The following AGO3 variants were observed in gnomAD, a reference collection of about 807,000 sequenced individuals.
AGO3 encodes argonaute RISC catalytic component 3.
In AGO3, 16 loss-of-function variants were observed where a neutral mutation model predicts 105.5. The observed-to-expected ratio is 0.15, with a 90% confidence interval of 0.10 to 0.23. AGO3 has a LOEUF of 0.23. AGO3 is among the 10% of genes least tolerant of loss of function. The probability of loss-of-function intolerance (pLI) is 1.00; values close to 1 mark genes in which losing one functional copy is unlikely to be tolerated. For missense variants in AGO3, 534 were observed against 1,088.0 expected (o/e 0.49, Z 7.16); for synonymous variants, 340 against 367.3 (o/e 0.93, Z 0.85).
chr1:35,941,396 T>A (rs975326189), intron 1 of AGO3, among the ~76,000 whole-genome samples: 10 of 152,096 alleles, frequency 6.6e-5, no homozygotes, highest in Admixed American at 2.0e-4. Flanking sequence ...GCAGCTGGAG[T>A]GATACTTAAA....
rs781058020 is a variant in AGO3 at position 36,038,252 on chromosome 1, C to CTTT, written c.1843-1520_1843-1518dup. ...TTCCATCCGAGGGTCTGGATTTATT[C>CTTT]TTTTTTTTTTTTTTTTTTTTGAGAC... On this transcript the variant is annotated intron_variant, in intron 14 of 18. Transcript: ENST00000373191. Among the ~76,000 whole-genome samples, 680 of 112,550 alleles carry CTTT rather than the reference C, an allele frequency of 6.0e-3. 24 individuals carry two copies. The highest frequency in any genetic ancestry group is 0.02 in the Middle Eastern group (4 of 202). 73.8% of individuals were successfully genotyped at this position (112,550 alleles called of 152,430 possible). A position where few individuals can be genotyped will look rare whatever the true frequency, so the allele number is the denominator to read the frequency against.
intron 6 of AGO3, among the ~76,000 whole-genome samples, chr1:36,007,703 A>C (rs530802980): frequency 1.1e-4 from 16 of 152,052 alleles, no homozygotes; most frequent in Admixed American, 1.0e-3. Context: ...AAAAAAAAAA[A>C]CCTAAATAAA....
intron 1 of AGO3, among the ~76,000 whole-genome samples, chr1:35,936,704 T>A (rs1007695249): frequency 6.6e-6 from 1 of 152,218 alleles, no homozygotes; most frequent in African/African-American, 2.4e-5. Flanking sequence ...GAACGTGGTA[T>A]CTACAGTCTA....
chr1:36,010,034 G>A (rs1356415991), intron 9 of AGO3, among the ~76,000 whole-genome samples: 1 of 141,304 alleles, frequency 7.1e-6, no homozygotes, highest in Non-Finnish European at 1.5e-5. Flanking sequence ...TGCCTCCCAG[G>A]TTCACACCAT....
Position 36,069,162 on chromosome 1 carries a change from A to G in AGO3, c.*13417A>G, listed in dbSNP as rs1397950218. 6.6e-6 allele frequency: 1 copy of G among 152,362 alleles called. No homozygotes were observed. The highest frequency in any genetic ancestry group is 1.5e-5 in the Non-Finnish European group (1 of 68,188). 9.4% of individuals were successfully genotyped at this position (152,362 alleles called of 1,614,324 possible). On this transcript the variant is annotated 3_prime_UTR_variant, in exon 19 of 19. Coordinates refer to ENST00000373191, the MANE Select transcript of AGO3 (RefSeq NM_024852.4). ...TCTGTTGCCCAGGCTGAACTACAGTAGTGTGATCATAGCTCACTACAGCCT... is the reference window on the plus strand; with the variant it reads ...TCTGTTGCCCAGGCTGAACTACAGTGGTGTGATCATAGCTCACTACAGCCT...
intron 17 of AGO3, among the ~76,000 whole-genome samples, chr1:36,047,692 G>A (rs918722997): frequency 6.6e-6 from 1 of 151,994 alleles, no homozygotes; most frequent in African/African-American, 2.4e-5. Context: ...TCCAGCCTGG[G>A]CAACATGGTG....
chr1:36,054,292 A>G (rs1375242109), intron 17 of AGO3, among the ~76,000 whole-genome samples: 1 of 152,046 alleles, frequency 6.6e-6, no homozygotes, highest in Non-Finnish European at 1.5e-5. Context: ...TTATTTATTG[A>G]GACAAAGTTT....
intron 11 of AGO3, among the ~76,000 whole-genome samples, chr1:36,026,091 A>G (rs1641490525): frequency 6.6e-6 from 1 of 151,794 alleles, no homozygotes; most frequent in East Asian, 1.9e-4. Context: ...AAATCAAAGT[A>G]CATTAAAATG....
At chr1:36,054,317 G>C (rs1413279260) in intron 17 of AGO3, among the ~76,000 whole-genome samples, 1 of 151,696 alleles carries the variant, frequency 6.6e-6, no homozygotes, top group East Asian at 1.9e-4. Flanking sequence ...ATGTCACCCA[G>C]GCTGGAGTGC....
At chr1:35,952,135 TCTTTC>T (rs1557648110) in intron 2 of AGO3, among the ~76,000 whole-genome samples, 15 of 116,982 alleles carry the variant, frequency 1.3e-4, no homozygotes, top group African/African-American at 5.9e-4. Flanking sequence ...TTTCTTTCTT[TCTTTC>T]TTTCTTTCTT....
intron 1 of AGO3, among the ~76,000 whole-genome samples, chr1:35,936,603 T>A (rs79907166): frequency 0.071 from 10,860 of 152,274 alleles, 453 homozygotes; most frequent in South Asian, 0.15. Context: ...ATTACAGGCA[T>A]GAGCCACTGC....
At position 36,043,527 on chromosome 1, in the gene AGO3, C is replaced by T. The variant is rs750383007; in HGVS notation, c.2253C>T (p.Leu751=). The T allele has an allele frequency of 1.9e-6, 3 of 1,612,928 alleles. No individual in the cohort carries two copies. Among genetic ancestry groups the T allele is most frequent in the Non-Finnish European group, 2.5e-6 (3 of 1,179,400 alleles). Residue 751 remains leucine (L), a synonymous_variant, in exon 17 of 19, where the codon CTC becomes CTT. Transcript: ENST00000373191. ...ITHPYEFDFY[L]CSHAGIQGTS... is the part of the protein sequence containing the mutation. ...ACCCATATGAGTTCGATTTTTACCT[C>T]TGTAGCCATGCTGGAATACAGGTAA...
Position 36,009,540 on chromosome 1 carries a change from G to A in AGO3, c.1095G>A (p.Met365Ile). Residue 365 changes from methionine (M) to isoleucine (I), a missense_variant, in exon 9 of 19, where the codon ATG becomes ATA. Physicochemically the swap from Met to Ile is conservative, Grantham distance 10. Around this residue, in one of 2 missense-constraint regions of AGO3, gnomAD observed 373 missense variants for 854.0 expected, o/e 0.44. Coordinates refer to ENST00000373191, the MANE Select transcript of AGO3 (RefSeq NM_024852.4). The stretch of plus-strand genomic sequence containing the variant: ...TAACAGACAATCAGACTTCCACTAT[G>A]ATCAAGGCAACAGCAAGATCTGCAC... ...KKLTDNQTST[M>I]IKATARSAPD... 2 of 1,613,928 alleles carry A rather than the reference G, an allele frequency of 1.2e-6. No homozygotes were observed. Among genetic ancestry groups the A allele is most frequent in the Non-Finnish European group, 1.7e-6 (2 of 1,179,948 alleles).
At chr1:35,999,385 G>A (rs1228905772) in intron 5 of AGO3, among the ~76,000 whole-genome samples, 1 of 152,062 alleles carries the variant, frequency 6.6e-6, no homozygotes, top group Non-Finnish European at 1.5e-5. Context: ...GTTTCATTGT[G>A]CTTTCATGTT....
At chr1:36,041,834 G>T (rs1569911568) in intron 16 of AGO3, among the ~76,000 whole-genome samples, 1 of 152,060 alleles carries the variant, frequency 6.6e-6, no homozygotes, top group Non-Finnish European at 1.5e-5. Context: ...GTTGTCGGGA[G>T]AATTAAATAA....
At chr1:36,045,555 C>T (rs1280168699) in intron 17 of AGO3, among the ~76,000 whole-genome samples, 3 of 148,464 alleles carry the variant, frequency 2.0e-5, no homozygotes, top group Non-Finnish European at 4.5e-5. Context: ...TTGCTTTTGT[C>T]GCCCACGCTA....
intron 14 of AGO3, among the ~76,000 whole-genome samples, chr1:36,039,010 TTTCTCTTA>T (rs1267490251): frequency 1.3e-5 from 2 of 152,194 alleles, no homozygotes; most frequent in African/African-American, 4.8e-5. Context: ...TCTTATTTCT[TTTCTCTTA>T]TTCTCTTATA....
chr1:35,979,696 T>C (rs1647017344), intron 5 of AGO3, among the ~76,000 whole-genome samples: 1 of 152,238 alleles, frequency 6.6e-6, no homozygotes, highest in South Asian at 2.1e-4. Context: ...ATATCTGTTT[T>C]CGTTATGAAT....
intron 5 of AGO3, among the ~76,000 whole-genome samples, chr1:36,001,662 G>A (rs1009888283): frequency 1.3e-5 from 2 of 152,284 alleles, no homozygotes; most frequent in Admixed American, 1.3e-4. Flanking sequence ...ATGATAAAAT[G>A]AGTCATAGAA....
Sources: allele counts gnomAD v4.1 joint callset (sites outside exome capture counted in the v4.1 genomes callset), GRCh38; gene constraint gnomAD v4.1.1; regional missense constraint gnomAD v4.1.1; transcripts MANE v1.5; gene names NCBI Gene and HGNC (gene_info 2026-07-23, HGNC 2026-07-21).